Variants in ZFHX3 observed in about 807,000 individuals in gnomAD.
ZFHX3 encodes zinc finger homeobox 3.
In ZFHX3, 42 loss-of-function variants were observed where a neutral mutation model predicts 279.1. That is an observed-to-expected ratio of 0.15 (90% CI 0.12 to 0.19). The LOEUF is 0.19. ZFHX3 is among the 10% of genes least tolerant of loss of function. The pLI is 1.00. For missense variants in ZFHX3, 4,981 were observed against 4,754.0 expected (o/e 1.05, Z -1.40); for synonymous variants, 2,293 against 1,957.8 (o/e 1.17, Z -4.52).
rs569123988 is a variant in ZFHX3, at chr16:73,008,698, T to G, written c.-50+39054A>C. ...CAAAGTCACCCCTCAATAAATGGAA[T>G]AAAACCATCCCAGATACACCATCTA... On this transcript the variant is annotated intron_variant, in intron 1 of 9. Coordinates refer to ENST00000268489, the MANE Select transcript of ZFHX3 (RefSeq NM_006885.4). Among the ~76,000 whole-genome samples, 8 of 152,280 alleles carry G rather than the reference T, an allele frequency of 5.3e-5. No individual in the cohort carries two copies. In the East Asian group the frequency reaches 1.5e-3, roughly 29 times the overall value.
intron 4 of ZFHX3, among the ~76,000 whole-genome samples, chr16:73,273,935 G>A (rs2014223934): frequency 6.6e-6 from 1 of 152,162 alleles, no homozygotes; most frequent in Admixed American, 6.5e-5. Context: ...CCGAGGTCAG[G>A]AGTTTGAGAC....
In ZFHX3 at chr16:73,197,275, T is replaced by C. The variant is rs372663877; in HGVS notation, c.-1103-53444A>G. ...TTACAATGTCATAAACAATGGATAA[T>C]GGCATCAATGGATGAATTGTTGGAG... On this transcript the variant is annotated intron_variant, in intron 5 of 17. Transcript: ENST00000641206. Among the ~76,000 whole-genome samples, 19 of 152,300 alleles carry C rather than the reference T, an allele frequency of 1.2e-4. No homozygotes were observed. The South Asian group carries it at 3.5e-3, about 28-fold the overall frequency.
chr16:73,061,347 GAT>G (rs1295583149), upstream of ZFHX3: 2 of 147,100 alleles, frequency 1.4e-5, no homozygotes, highest in Non-Finnish European at 3.0e-5. Context: ...AGCCTGCAAA[GAT>G]TCTAGCTTTT....
chr16:73,678,352 G>T (rs764443270), intron 2 of ZFHX3, among the ~76,000 whole-genome samples: 1 of 152,054 alleles, frequency 6.6e-6, no homozygotes, highest in Non-Finnish European at 1.5e-5. Flanking sequence ...TTTTTTCAAA[G>T]AGTATATTCT....
At chr16:73,274,794 T>C (rs1248825507) in intron 4 of ZFHX3, among the ~76,000 whole-genome samples, 1 of 152,248 alleles carries the variant, frequency 6.6e-6, no homozygotes, top group South Asian at 2.1e-4. Flanking sequence ...TTTGTATTTA[T>C]GCCACAGTAA....
At chr16:73,890,525 G>C (rs759281030) in intron 1 of ZFHX3, among the ~76,000 whole-genome samples, 4 of 152,134 alleles carry the variant, frequency 2.6e-5, no homozygotes, top group Non-Finnish European at 4.4e-5. Context: ...CCACCCAACC[G>C]ATCTAGTGAA....
chr16:73,194,304 A>G (rs1968100167), intron 5 of ZFHX3, among the ~76,000 whole-genome samples: 1 of 152,054 alleles, frequency 6.6e-6, no homozygotes, highest in Non-Finnish European at 1.5e-5. Context: ...GGCTCAAGCA[A>G]TCCTCCCACC....
rs930874622 is a variant in ZFHX3, at chr16:73,789,267, G to A, written c.-1608+102384C>T. 5.3e-5 allele frequency among the ~76,000 whole-genome samples: 8 copies of A among 151,636 alleles called. No individual in the cohort carries two copies. In the South Asian group the frequency reaches 1.0e-3, roughly 20 times the overall value. On this transcript the variant is annotated intron_variant, in intron 1 of 17. Coordinates refer to the ZFHX3 transcript ENST00000641206. ...GTGATATCAACTCACTATAACCAACGCCTCCCAGGTTCAAGCGATTCTCCT... is the reference window on the plus strand; with the variant it reads ...GTGATATCAACTCACTATAACCAACACCTCCCAGGTTCAAGCGATTCTCCT...
At chr16:73,009,374 C>T (rs1380241636) in intron 1 of ZFHX3, among the ~76,000 whole-genome samples, 3 of 151,996 alleles carry the variant, frequency 2.0e-5, no homozygotes, top group Non-Finnish European at 4.4e-5. Flanking sequence ...CACGCCTGCA[C>T]ACACAACAGA....
At chr16:73,178,175 G>A (rs1328455923) in intron 5 of ZFHX3, among the ~76,000 whole-genome samples, 1 of 151,484 alleles carries the variant, frequency 6.6e-6, no homozygotes. Context: ...TTTGAGACAG[G>A]GTCTCACTCC....
intron 1 of ZFHX3, among the ~76,000 whole-genome samples, chr16:73,845,327 A>G (rs532140800): frequency 6.6e-6 from 1 of 152,292 alleles, no homozygotes. Context: ...AGGTTCTACA[A>G]ACTGCCTGTC....
intron 5 of ZFHX3, among the ~76,000 whole-genome samples, chr16:73,226,056 T>G (rs1360119641): frequency 3.9e-5 from 6 of 152,182 alleles, no homozygotes; most frequent in Non-Finnish European, 8.8e-5. Context: ...ATACACGACT[T>G]AATGAAATAA....
chr16:72,818,010 A>C (rs2036663697), intron 5 of ZFHX3, among the ~76,000 whole-genome samples: 1 of 152,210 alleles, frequency 6.6e-6, no homozygotes. Flanking sequence ...ATCGCCTTAC[A>C]TTCCGTAAAC....
chr16:73,704,930 G>A (rs935332233), intron 1 of ZFHX3, among the ~76,000 whole-genome samples: 1 of 152,178 alleles, frequency 6.6e-6, no homozygotes, highest in African/African-American at 2.4e-5. Context: ...TCCAGTAGGA[G>A]GTCAAGGGAG....
intron 1 of ZFHX3, among the ~76,000 whole-genome samples, chr16:73,765,278 T>C (rs965781809): frequency 7.2e-5 from 11 of 152,212 alleles, no homozygotes; most frequent in Non-Finnish European, 1.3e-4. Context: ...GGGTGGTGGT[T>C]GTTTTTGCAG....
At chr16:73,098,061 T>C (rs573057348) in intron 7 of ZFHX3, among the ~76,000 whole-genome samples, 1 of 138,052 alleles carries the variant, frequency 7.2e-6, no homozygotes, top group South Asian at 2.5e-4. Context: ...TCTGCGTCCC[T>C]TGTGTATCTA....
At chr16:73,858,288 G>T (rs184055268) in intron 1 of ZFHX3, among the ~76,000 whole-genome samples, 1 of 152,114 alleles carries the variant, frequency 6.6e-6, no homozygotes, top group Non-Finnish European at 1.5e-5. Context: ...AATAGAAACA[G>T]TTTCAGACCA....
At chr16:72,946,176 C>T (rs1960663967) in intron 3 of ZFHX3, among the ~76,000 whole-genome samples, 1 of 152,168 alleles carries the variant, frequency 6.6e-6, no homozygotes, top group Non-Finnish European at 1.5e-5. Context: ...AGCAGACATC[C>T]TCTATGTGGA....
At chr16:73,246,648 A>C (rs2013288980) in intron 5 of ZFHX3, among the ~76,000 whole-genome samples, 1 of 152,232 alleles carries the variant, frequency 6.6e-6, no homozygotes, top group African/African-American at 2.4e-5. Flanking sequence ...GAGCCATGAT[A>C]ACACAATGTC....
Sources: gnomAD v4.1 joint callset for allele counts (sites outside exome capture counted in the v4.1 genomes callset) on GRCh38, gnomAD v4.1.1 for gene constraint, MANE v1.5 for transcripts, NCBI Gene and HGNC (gene_info 2026-07-23, HGNC 2026-07-21) for gene names.